USP24: variants seen among roughly 807,000 people sequenced by gnomAD.
USP24 encodes ubiquitin specific peptidase 24, also known as ubiquitin carboxyl-terminal hydrolase 24.
USP24 carries 97 observed loss-of-function variants against 361.6 expected under a neutral mutation model. That is an observed-to-expected ratio of 0.27 (90% CI 0.23 to 0.32). The LOEUF (loss-of-function observed/expected upper bound fraction) is 0.32. Ranked by LOEUF, USP24 falls within the 10% of genes least tolerant of loss-of-function variation. The pLI is 1.00. For missense variants in USP24, 2,353 were observed against 3,165.6 expected (o/e 0.74, Z 6.16); for synonymous variants, 1,098 against 1,124.6 (o/e 0.98, Z 0.47).
In USP24 at chr1:55,092,126, T is replaced by C; in HGVS notation, c.6451A>G (p.Thr2151Ala). 1.2e-6 allele frequency: 2 copies of C among 1,604,056 alleles called. No homozygotes were observed. Among genetic ancestry groups the C allele is most frequent in the Non-Finnish European group, 1.7e-6 (2 of 1,174,488 alleles). ...GGATAATATGGATGCTTTAATTTAG[T>C]CTAAGAGAGGGAAACATGAAAGAGG... Reference protein sequence around the residue: ...FVLSLASLNATKLKHPYYPCM... With the variant: ...FVLSLASLNAAKLKHPYYPCM... The change falls in exon 54 of 68, where the codon ACT becomes GCT. Residue 2151 changes from threonine (T) to alanine (A), a missense_variant and splice_region_variant. Around this residue, in one of 8 missense-constraint regions of USP24, gnomAD observed 598 missense variants for 761.9 expected, o/e 0.78. Coordinates refer to ENST00000294383, the MANE Select transcript of USP24 (RefSeq NM_015306.3).
At chr1:55,144,028 A>C (rs538725142) in intron 21 of USP24, 99 bp downstream of exon 21, 2 of 1,008,856 alleles carry the variant, frequency 2.0e-6, no homozygotes, top group African/African-American at 3.4e-5. Flanking sequence ...TTACCAAAAA[A>C]ATCCATGTTA....
intron 1 of USP24, among the ~76,000 whole-genome samples, chr1:55,197,586 T>C (rs113384123): frequency 1.9e-3 from 285 of 152,334 alleles, no homozygotes; most frequent in African/African-American, 6.8e-3. Context: ...ACTACCTTCA[T>C]AACATCAAAT....
chr1:55,091,844 T>C (rs966632048), intron 54 of USP24, among the ~76,000 whole-genome samples, 179 bp downstream of exon 54: 3 of 152,198 alleles, frequency 2.0e-5, no homozygotes, highest in Non-Finnish European at 4.4e-5. Flanking sequence ...GGTATTTCTC[T>C]TTTGTTTGAG....
chr1:55,171,638 A>T lies in USP24; in HGVS notation c.743T>A (p.Met248Lys). Reference sequence around the variant, plus strand: ...TGCCCAATTCCTTTGAGACACTTTCATTCTGTTTTTAAAATGGTATTCATT... The same window carrying T: ...TGCCCAATTCCTTTGAGACACTTTCTTTCTGTTTTTAAAATGGTATTCATT... The part of the protein sequence containing the change: ...PDNEYHFKNR[M>K]KVSQRNWAEV... The change falls in exon 5 of 68, where the codon ATG becomes AAG. Residue 248 changes from methionine to lysine, a missense_variant. Coordinates refer to ENST00000294383, the MANE Select transcript of USP24 (RefSeq NM_015306.3). 6.2e-7 allele frequency: 1 copy of T among 1,607,556 alleles called. No individual in the cohort carries two copies. Among genetic ancestry groups the T allele is most frequent in the Non-Finnish European group, 8.5e-7 (1 of 1,176,398 alleles).
intron 42 of USP24, among the ~76,000 whole-genome samples, chr1:55,102,139 T>C (rs1216394273): frequency 6.6e-6 from 1 of 152,042 alleles, no homozygotes; most frequent in African/African-American, 2.4e-5. Context: ...TGAATTAAGG[T>C]AGTACTCTGA....
intron 1 of USP24, among the ~76,000 whole-genome samples, chr1:55,183,246 T>A (rs1644029372): frequency 6.6e-6 from 1 of 152,210 alleles, no homozygotes; most frequent in Non-Finnish European, 1.5e-5. Context: ...TAAGAGAATA[T>A]CCTCATTTTT....
chr1:55,090,236 C>T (rs1204446902), intron 54 of USP24, among the ~76,000 whole-genome samples: 1 of 152,064 alleles, frequency 6.6e-6, no homozygotes, highest in Non-Finnish European at 1.5e-5. Flanking sequence ...TACCCAAGCC[C>T]TCATAACACC....
chr1:55,158,751 A>C, intron 10 of USP24, 127 bp downstream of exon 10: 1 of 856,964 alleles, frequency 1.2e-6, no homozygotes, highest in Non-Finnish European at 1.6e-6. Flanking sequence ...ATACACAATC[A>C]TTCTCTTTTT....
At chr1:55,194,774 C>T (rs1444150821) in intron 1 of USP24, among the ~76,000 whole-genome samples, 1 of 152,066 alleles carries the variant, frequency 6.6e-6, no homozygotes, top group African/African-American at 2.4e-5. Flanking sequence ...AAATCTGTTA[C>T]TTCTCTAACA....
chr1:55,129,524 G>A lies in USP24; in HGVS notation c.3588C>T (p.Ser1196=). 1 of 1,613,912 alleles carries A rather than the reference G, an allele frequency of 6.2e-7. No individual in the cohort carries two copies. The part of the protein sequence containing the change: ...MPTADDDMAR[S]CAKSFCENFL... ...AGTTTTCACAGAAGGATTTGGCACA[G>A]CTTCTGGCCATGTCATCATCAGCTG... Residue 1196 remains serine, a synonymous_variant, in exon 32 of 68, where the codon AGC becomes AGT. Coordinates refer to ENST00000294383, the MANE Select transcript of USP24 (RefSeq NM_015306.3).
intron 48 of USP24, among the ~76,000 whole-genome samples, 170 bp downstream of exon 48, chr1:55,097,428 C>T (rs1486341793): frequency 6.6e-6 from 1 of 152,002 alleles, no homozygotes; most frequent in Non-Finnish European, 1.5e-5. Flanking sequence ...CCACTGTTTC[C>T]AGATCTGCCT....
intron 32 of USP24, among the ~76,000 whole-genome samples, chr1:55,126,192 T>A (rs1238778510): frequency 1.3e-5 from 2 of 152,238 alleles, no homozygotes; most frequent in African/African-American, 4.8e-5. Flanking sequence ...TGGGAAACAC[T>A]GCCTCATTCA....
intron 39 of USP24, among the ~76,000 whole-genome samples, chr1:55,107,841 CAAAAAAAAAAA>C (rs777328294): frequency 2.6e-5 from 1 of 38,246 alleles, no homozygotes; most frequent in South Asian, 2.3e-3. Flanking sequence ...GACTCTGTCT[CAAAAAAAAAAA>C]AAAAAAAAAA....
chr1:55,118,413 C>T (rs538572329), intron 38 of USP24, among the ~76,000 whole-genome samples: 5 of 152,236 alleles, frequency 3.3e-5, no homozygotes, highest in African/African-American at 4.8e-5. Flanking sequence ...TGGAGAAAAA[C>T]GAAGTCAGAC....
chr1:55,141,027 C>A (rs1646874141), intron 24 of USP24, among the ~76,000 whole-genome samples: 3 of 152,130 alleles, frequency 2.0e-5, no homozygotes, highest in African/African-American at 7.2e-5. Flanking sequence ...AAAGTTTTCA[C>A]ACAAACATTT....
In USP24 at chr1:55,089,489, T is replaced by C. The variant is rs1645327483; in HGVS notation, c.6668+138A>G. 7.9e-6 allele frequency: 5 copies of C among 630,104 alleles called. No homozygotes were observed. In the South Asian group the frequency reaches 1.1e-4, roughly 14 times the overall value. 39.0% of individuals were successfully genotyped at this position (630,104 alleles called of 1,614,324 possible). A position where few individuals can be genotyped will look rare whatever the true frequency, so the allele number is the denominator to read the frequency against. On this transcript the variant is annotated intron_variant, in intron 55 of 67. Transcript: ENST00000294383. ...GTGACCTGAATTATTTCCTCACTGT[T>C]TCAGTGAAGAGAGTTTAAAATAGAC... is the stretch of plus-strand genomic sequence containing the variant.
At chr1:55,183,951 A>C (rs1419357004) in intron 1 of USP24, among the ~76,000 whole-genome samples, 1 of 152,198 alleles carries the variant, frequency 6.6e-6, no homozygotes, top group African/African-American at 2.4e-5. Context: ...TATACCCTAA[A>C]AGCAATAACC....
chr1:55,085,865 CTCTT>C, intron 56 of USP24, 73 bp downstream of exon 56: 1 of 1,446,616 alleles, frequency 6.9e-7, no homozygotes, highest in Non-Finnish European at 9.6e-7. Flanking sequence ...CAATCCTAGG[CTCTT>C]TCTTATTACC....
Position 55,214,882 on chromosome 1 carries a change from C to A in USP24, c.232G>T (p.Gly78Cys). 8.1e-7 allele frequency: 1 copy of A among 1,230,102 alleles called. No homozygotes were observed. Among genetic ancestry groups the A allele is most frequent in the Non-Finnish European group, 1.0e-6 (1 of 980,766 alleles). The allele number at this position is 1,230,102 out of a possible 1,614,324, so 76.2% of individuals were successfully genotyped here. ...CCGCGGGAGGGGCCGCCGCCGCCGC[C>A]GTCACCTCCGCCGTCGCCCCGCGGG... ...GGPRGDGGGDGGGGGPSRGGS... is the reference protein window; with the variant it reads ...GGPRGDGGGDCGGGGPSRGGS... The change falls in exon 1 of 68, where the codon GGC becomes TGC. Residue 78 changes from glycine to cysteine, a missense_variant. Physicochemically the swap from Gly to Cys is radical, Grantham distance 159. Around this residue, in one of 8 missense-constraint regions of USP24, gnomAD observed 253 missense variants for 255.3 expected, o/e 0.99. Coordinates refer to ENST00000294383, the MANE Select transcript of USP24 (RefSeq NM_015306.3).
Sources: gnomAD v4.1 joint callset for allele counts (sites outside exome capture counted in the v4.1 genomes callset) on GRCh38, gnomAD v4.1.1 for gene constraint, gnomAD v4.1.1 regional missense constraint, MANE v1.5 for transcripts, NCBI Gene and HGNC (gene_info 2026-07-23, HGNC 2026-07-21) for gene names.